ABCA13: variants seen among roughly 807,000 people sequenced by gnomAD.
ABCA13 encodes the protein ATP-binding cassette sub-family A member 13.
Under a neutral mutation model 478.7 loss-of-function variants are expected in ABCA13, and 476 were observed. The ratio of observed to expected loss-of-function variants is 0.99; its 90% CI spans 0.92 to 1.07. The LOEUF (loss-of-function observed/expected upper bound fraction) is 1.07, where lower values mean the gene tolerates loss of function less well. Ranked by LOEUF, ABCA13 falls within the 50% of genes least tolerant of loss-of-function variation. The probability of loss-of-function intolerance (pLI) is 0.00; values close to 1 mark genes in which losing one functional copy is unlikely to be tolerated. For missense variants in ABCA13, 6,060 were observed against 5,910.6 expected, an observed-to-expected ratio of 1.03 and a Z score of -0.83; for synonymous variants, 2,252 against 2,158.9, an observed-to-expected ratio of 1.04 and a Z score of -1.20.
rs1394062431 is a variant in ABCA13, at chr7:48,279,105, A to C, written c.7911A>C (p.Glu2637Asp). 2 of 1,568,366 alleles carry C rather than the reference A, an allele frequency of 1.3e-6. No individual in the cohort carries two copies. Among genetic ancestry groups the C allele is most frequent in the Non-Finnish European group, 1.7e-6 (2 of 1,143,276 alleles). ...AGGACTTTTCTGATATTTTGGAAGA[A>C]ATTGCTGAATTTTTAACATCTGTGA... ...QSKDFSDILE[E>D]IAEFLTSVKM... Residue 2637 changes from glutamate (E) to aspartate (D), a missense_variant, in exon 18 of 62, where the codon GAA (glutamate) becomes GAC (aspartate). Around this residue, in one of 3 missense-constraint regions of ABCA13, gnomAD observed 4,423 missense variants for 4,309.1 expected, o/e 1.03. Coordinates refer to ENST00000435803, the MANE Select transcript of ABCA13 (RefSeq NM_152701.5).
chr7:48,486,898 A>G (rs1044668958), intron 47 of ABCA13, among the ~76,000 whole-genome samples: 8 of 152,270 alleles, frequency 5.3e-5, no homozygotes, highest in Middle Eastern at 3.4e-3. Context: ...GCCACATTCT[A>G]TTGGCCATAG....
At chr7:48,305,958 A>G (rs937468017) in intron 23 of ABCA13, among the ~76,000 whole-genome samples, 3 of 152,238 alleles carry the variant, frequency 2.0e-5, no homozygotes, top group Admixed American at 2.0e-4. Context: ...CCGAGATAAA[A>G]GGTGCCTGTT....
intron 42 of ABCA13, among the ~76,000 whole-genome samples, chr7:48,448,800 C>T (rs923685394): frequency 6.6e-6 from 1 of 152,004 alleles, no homozygotes; most frequent in Non-Finnish European, 1.5e-5. Flanking sequence ...AAGAATTAGG[C>T]TTAATATTGA....
intron 57 of ABCA13, among the ~76,000 whole-genome samples, chr7:48,591,672 C>T (rs1789761718): frequency 6.6e-6 from 1 of 151,894 alleles, no homozygotes; most frequent in Non-Finnish European, 1.5e-5. Flanking sequence ...TTTCAGTATA[C>T]AGATCTTTCA....
intron 42 of ABCA13, among the ~76,000 whole-genome samples, chr7:48,436,174 G>A (rs1822805188): frequency 6.6e-6 from 1 of 150,970 alleles, no homozygotes; most frequent in Admixed American, 6.6e-5. Flanking sequence ...TTTTTTGGTG[G>A]GAATATTTTA....
chr7:48,610,884 C>T (rs1791964133), intron 58 of ABCA13, among the ~76,000 whole-genome samples: 1 of 152,154 alleles, frequency 6.6e-6, no homozygotes, highest in Non-Finnish European at 1.5e-5. Context: ...GGCCCTGGGC[C>T]TAGCCCACAA....
Position 48,587,430 on chromosome 7 carries a change from C to G in ABCA13, c.14640+142C>G. ...AACTAGTAAACTGTTTTGCCATAAG[C>G]CAGCATTTCCCAAATGTCATTTGTA... On this transcript the variant is annotated intron_variant, in intron 57 of 61. Transcript: ENST00000435803. 6 of 879,074 alleles carry G rather than the reference C, an allele frequency of 6.8e-6. No homozygotes were observed. In the South Asian group the frequency reaches 1.1e-4, roughly 16 times the overall value. 54.5% of individuals were successfully genotyped at this position (879,074 alleles called of 1,614,324 possible).
At chr7:48,505,615 T>A (rs1831137432) in intron 48 of ABCA13, among the ~76,000 whole-genome samples, 1 of 152,076 alleles carries the variant, frequency 6.6e-6, no homozygotes, top group African/African-American at 2.4e-5. Flanking sequence ...ACACAACCAA[T>A]TAGGCAAAGG....
chr7:48,283,090 C>T (rs1304681602), intron 19 of ABCA13, among the ~76,000 whole-genome samples: 1 of 152,108 alleles, frequency 6.6e-6, no homozygotes, highest in Non-Finnish European at 1.5e-5. Context: ...ACTGAGCAAA[C>T]TGTGGGGGCC....
intron 42 of ABCA13, among the ~76,000 whole-genome samples, chr7:48,430,690 A>AT (rs1554510177): frequency 6.7e-6 from 1 of 150,164 alleles, no homozygotes; most frequent in African/African-American, 2.5e-5. Flanking sequence ...AAAAAAAAAA[A>AT]GCCTGTAGTG....
intron 3 of ABCA13, among the ~76,000 whole-genome samples, chr7:48,204,821 C>T (rs1256672189): frequency 2.0e-5 from 3 of 152,182 alleles, no homozygotes; most frequent in Admixed American, 1.3e-4. Context: ...AAGACAACTC[C>T]GGATGGGTCT....
intron 27 of ABCA13, among the ~76,000 whole-genome samples, chr7:48,327,934 A>T (rs1307326731): frequency 6.6e-6 from 1 of 152,246 alleles, no homozygotes; most frequent in Non-Finnish European, 1.5e-5. Flanking sequence ...GATGGGAAAC[A>T]GCTTGGCCAT....
intron 25 of ABCA13, 22 bp from the exon 26 acceptor site, chr7:48,314,210 T>C: frequency 6.2e-7 from 1 of 1,604,868 alleles, no homozygotes; most frequent in Admixed American, 1.7e-5. Context: ...GTAATTGCAA[T>C]TTAGTTTTCT....
intron 42 of ABCA13, among the ~76,000 whole-genome samples, chr7:48,454,354 G>T (rs1825390631): frequency 6.6e-6 from 1 of 152,350 alleles, no homozygotes; most frequent in East Asian, 1.9e-4. Context: ...GAGATTCGTT[G>T]GTAGAGGCTC....
At position 48,273,554 on chromosome 7, in the gene ABCA13, A is replaced by G; in HGVS notation, c.3888A>G (p.Glu1296=). 1 of 1,582,376 alleles carries G rather than the reference A, an allele frequency of 6.3e-7. No homozygotes were observed. Among genetic ancestry groups the G allele is most frequent in the Non-Finnish European group, 8.6e-7 (1 of 1,162,184 alleles). ...TCATTGAGTTTAGCAGTACCTCAGA[A>G]TATATAGTCAGAAATCTAGATTCAA... ...EVFIEFSSTS[E]YIVRNLDSIN... The change falls in exon 17 of 62, where the codon GAA becomes GAG. Residue 1296 remains glutamate (E), a synonymous_variant. Transcript: ENST00000435803.
chr7:48,439,707 A>C (rs181506362), intron 42 of ABCA13, among the ~76,000 whole-genome samples: 2 of 152,262 alleles, frequency 1.3e-5, no homozygotes, highest in Admixed American at 1.3e-4. Flanking sequence ...TTTGGCATAA[A>C]AAATTTTATA....
intron 41 of ABCA13, among the ~76,000 whole-genome samples, chr7:48,426,624 GA>G (rs1821460152): frequency 6.6e-6 from 1 of 152,214 alleles, no homozygotes; most frequent in African/African-American, 2.4e-5. Flanking sequence ...GTCACTTGGA[GA>G]GGGGCCAGGG....
intron 39 of ABCA13, among the ~76,000 whole-genome samples, chr7:48,405,550 C>A (rs370399659): frequency 1.3e-5 from 2 of 152,182 alleles, no homozygotes; most frequent in Non-Finnish European, 2.9e-5. Flanking sequence ...AAACAATTTG[C>A]GCACTACCCT....
intron 59 of ABCA13, among the ~76,000 whole-genome samples, chr7:48,636,976 T>C (rs1162486159): frequency 6.6e-6 from 1 of 152,170 alleles, no homozygotes; most frequent in Non-Finnish European, 1.5e-5. Flanking sequence ...TATTACATTA[T>C]TTATTTAAGG....
Sources: allele counts gnomAD v4.1 joint callset (sites outside exome capture counted in the v4.1 genomes callset), GRCh38; gene constraint gnomAD v4.1.1; regional missense constraint gnomAD v4.1.1; transcripts MANE v1.5; gene names NCBI Gene and HGNC (gene_info 2026-07-23, HGNC 2026-07-21).